The following LRP5 variants were observed in gnomAD, a reference collection of about 807,000 sequenced individuals.
LRP5 encodes LDL receptor related protein 5, also known as low-density lipoprotein receptor-related protein 5.
In LRP5, 62 loss-of-function variants were observed where a neutral mutation model predicts 154.1. That is an observed-to-expected ratio of 0.40 (90% confidence interval 0.33 to 0.50). The LOEUF (loss-of-function observed/expected upper bound fraction) is 0.50, where lower values mean the gene tolerates loss of function less well. LRP5 is among the 20% of genes least tolerant of loss of function. LRP5 has a pLI of 0.55. For missense variants in LRP5, 1,915 were observed against 2,336.7 expected, an observed-to-expected ratio of 0.82 and a Z score of 3.72; for synonymous variants, 966 against 1,011.5, an observed-to-expected ratio of 0.96 and a Z score of 0.85.
chr11:68,426,423 CT>C (rs58093101), intron 16 of LRP5, among the ~76,000 whole-genome samples: 326 of 130,388 alleles, frequency 2.5e-3, no homozygotes, highest in Admixed American at 4.9e-3. Flanking sequence ...AACACCAACT[CT>C]TTTTTTTTTT....
intron 7 of LRP5, among the ~76,000 whole-genome samples, chr11:68,392,423 G>A (rs1591269510): frequency 6.6e-6 from 1 of 152,126 alleles, no homozygotes; most frequent in Admixed American, 6.5e-5. Flanking sequence ...AGAATCGCTT[G>A]AGCCCGGGAG....
chr11:68,412,504 G>T (rs992181363), intron 11 of LRP5, among the ~76,000 whole-genome samples: 11 of 152,114 alleles, frequency 7.2e-5, no homozygotes, highest in African/African-American at 2.4e-4. Flanking sequence ...AATTAGCTGG[G>T]CATGGTGGTT....
intron 7 of LRP5, among the ~76,000 whole-genome samples, chr11:68,398,297 T>C (rs1368633517): frequency 6.6e-6 from 1 of 152,110 alleles, no homozygotes; most frequent in East Asian, 1.9e-4. Flanking sequence ...AGAGCACAGC[T>C]AGGGTGGGCT....
intron 21 of LRP5, among the ~76,000 whole-genome samples, chr11:68,444,040 A>T (rs1291279434): frequency 2.0e-5 from 3 of 152,094 alleles, no homozygotes; most frequent in Non-Finnish European, 4.4e-5. Flanking sequence ...AGATTTGATG[A>T]GCAAGGTGGG....
chr11:68,375,598 T>C (rs2098636907), intron 5 of LRP5, among the ~76,000 whole-genome samples: 2 of 152,070 alleles, frequency 1.3e-5, no homozygotes, highest in Non-Finnish European at 2.9e-5. Context: ...CAGGCTCTGC[T>C]CTAGGGAGCT....
chr11:68,435,706 A>G (rs2098674504), intron 18 of LRP5, among the ~76,000 whole-genome samples: 1 of 152,126 alleles, frequency 6.6e-6, no homozygotes, highest in Non-Finnish European at 1.5e-5. Context: ...ATGCTATGCC[A>G]TGCCATGCCA....
intron 5 of LRP5, among the ~76,000 whole-genome samples, chr11:68,379,223 C>A (rs1252671616): frequency 1.3e-5 from 2 of 152,088 alleles, no homozygotes; most frequent in Non-Finnish European, 2.9e-5. Flanking sequence ...CACCCGTCAC[C>A]TTGAATGCCC....
At chr11:68,314,497 G>A (rs577264720) in intron 1 of LRP5, among the ~76,000 whole-genome samples, 22 of 152,360 alleles carry the variant, frequency 1.4e-4, no homozygotes, top group African/African-American at 5.3e-4. Flanking sequence ...TGGTTTTACT[G>A]TGTGAAATAC....
At chr11:68,411,297 C>G in intron 10 of LRP5, 139 bp from the exon 11 acceptor site, 1 of 864,914 alleles carries the variant, frequency 1.2e-6, no homozygotes, top group Non-Finnish European at 1.8e-6. Context: ...CTCGCCCTTC[C>G]CTGCTTCCTG....
intron 3 of LRP5, among the ~76,000 whole-genome samples, chr11:68,359,798 T>C (rs554948307): frequency 2.6e-5 from 4 of 151,714 alleles, no homozygotes; most frequent in Admixed American, 1.3e-4. Flanking sequence ...TTGTTTTTTT[T>C]TTTTTTGGGA....
chr11:68,446,405 C>T (rs1383970189), intron 21 of LRP5, 31 bp from the exon 22 acceptor site: 1 of 1,470,164 alleles, frequency 6.8e-7, no homozygotes, highest in Non-Finnish European at 9.5e-7. Flanking sequence ...GCTGGCGAGG[C>T]TCTAAGTCAC....
intron 7 of LRP5, among the ~76,000 whole-genome samples, chr11:68,392,769 G>A (rs1274318545): frequency 1.3e-5 from 2 of 152,056 alleles, no homozygotes; most frequent in Non-Finnish European, 2.9e-5. Flanking sequence ...TGGTCCCTGC[G>A]TGTGGCTTCT....
At chr11:68,319,959 A>G (rs560710572) in intron 1 of LRP5, among the ~76,000 whole-genome samples, 12 of 152,238 alleles carry the variant, frequency 7.9e-5, no homozygotes, top group Admixed American at 2.6e-4. Context: ...GGAGTTCGAG[A>G]CCAGCCTGGG....
intron 12 of LRP5, 38 bp from the exon 13 acceptor site, chr11:68,416,288 TAC>T (rs1268615870): frequency 6.3e-7 from 1 of 1,585,446 alleles, no homozygotes; most frequent in Non-Finnish European, 8.7e-7. Context: ...CTCTGTGGCT[TAC>T]AGACACCCAC....
Position 68,375,555 on chromosome 11 carries a change from G to A in LRP5, c.1015+9853G>A, listed in dbSNP as rs558880837. Reference sequence around the variant, plus strand: ...ACTCCTGCACACGGCTCCTCCGCCCGTGCGCAGCCCTCTGAGAGTGTGGCA... The same window carrying A: ...ACTCCTGCACACGGCTCCTCCGCCCATGCGCAGCCCTCTGAGAGTGTGGCA... On this transcript the variant is annotated intron_variant, in intron 5 of 22. Transcript: ENST00000294304. Among the ~76,000 whole-genome samples the A allele has an allele frequency of 9.9e-5, 15 of 151,680 alleles. No homozygotes were observed. The South Asian group carries it at 3.2e-3, about 32-fold the overall frequency.
At chr11:68,428,241 C>T (rs967983710) in intron 16 of LRP5, among the ~76,000 whole-genome samples, 2 of 152,034 alleles carry the variant, frequency 1.3e-5, no homozygotes, top group East Asian at 1.9e-4. Context: ...GTGATCCACG[C>T]ACCTCGGCCT....
chr11:68,426,378 C>T (rs971086097), intron 16 of LRP5, among the ~76,000 whole-genome samples, 191 bp downstream of exon 16: 1 of 151,952 alleles, frequency 6.6e-6, no homozygotes, highest in East Asian at 1.9e-4. Flanking sequence ...TTTCTTTTGC[C>T]GCAGAACAAA....
At chr11:68,416,229 A>G in intron 12 of LRP5, 99 bp from the exon 13 acceptor site, 2 of 1,028,794 alleles carry the variant, frequency 1.9e-6, no homozygotes, top group Non-Finnish European at 3.0e-6. Context: ...AGCGGGGCAG[A>G]TGCTGAGCCG....
chr11:68,390,940 CTTTTTTGTTTG>C (rs1450849667), intron 7 of LRP5, among the ~76,000 whole-genome samples: 1 of 152,208 alleles, frequency 6.6e-6, no homozygotes, highest in African/African-American at 2.4e-5. Flanking sequence ...CTCTCTTGAG[CTTTTTTGTTTG>C]TTGTTTGTTT....
Sources: gnomAD v4.1 joint callset for allele counts (sites outside exome capture counted in the v4.1 genomes callset) on GRCh38, gnomAD v4.1.1 for gene constraint, MANE v1.5 for transcripts, NCBI Gene and HGNC (gene_info 2026-07-23, HGNC 2026-07-21) for gene names.